The following FILIP1 variants were observed in gnomAD, a reference collection of about 807,000 sequenced individuals.
FILIP1 encodes filamin A interacting protein 1, also known as filamin-A-interacting protein 1.
A neutral mutation model predicts 102.1 loss-of-function variants in FILIP1; 61 were observed. The observed-to-expected ratio is 0.60, with a 90% confidence interval of 0.49 to 0.74. The LOEUF (loss-of-function observed/expected upper bound fraction) is 0.74, where lower values mean the gene tolerates loss of function less well. Among genes scored for constraint, FILIP1 ranks in the 30% least tolerant of loss-of-function variants. The pLI is 0.00. For synonymous variants in FILIP1, 491 were observed against 526.9 expected (o/e 0.93, Z 0.93); for missense variants, 1,314 against 1,441.2 (o/e 0.91, Z 1.43).
chr6:75,313,152 G>T lies in FILIP1; in HGVS notation c.2680C>A (p.Pro894Thr), dbSNP rs774205816. ...QEKGPRTNSS[P>T]GHPGEVVLSP... ...AGGACTACCTCTCCTGGGTGCCCTG[G>T]ACTGGAATTTGTTCGGGGCCCTTTC... Residue 894 changes from proline to threonine, a missense_variant, in exon 5 of 6, where the codon CCA (proline) becomes ACA (threonine). Pro to Thr is a conservative substitution (Grantham distance 38). This residue lies in a region of FILIP1 where 816 missense variants were observed against 913.1 expected (regional missense o/e 0.89). Coordinates refer to ENST00000237172, the MANE Select transcript of FILIP1 (RefSeq NM_015687.5). This position sits in a 1 kb window ranked among gnomAD's most constrained non-coding sequence, Gnocchi z 4.2. 7 of 1,614,180 alleles carry T rather than the reference G, an allele frequency of 4.3e-6. No homozygotes were observed. Among genetic ancestry groups the T allele is most frequent in the Non-Finnish European group, 5.1e-6 (6 of 1,180,034 alleles).
intron 2 of FILIP1, among the ~76,000 whole-genome samples, chr6:75,412,469 G>A (rs1181973285): frequency 1.3e-5 from 2 of 152,156 alleles, no homozygotes; most frequent in African/African-American, 4.8e-5. Context: ...TAGGAGTGGT[G>A]AGAGAGGGCA....
Position 75,438,050 on chromosome 6 carries a change from T to G in FILIP1, c.-6-23072A>C, listed in dbSNP as rs557860757. On this transcript the variant is annotated intron_variant, in intron 1 of 5. Coordinates refer to ENST00000237172, the MANE Select transcript of FILIP1 (RefSeq NM_015687.5). Reference sequence around the variant, plus strand: ...GTAACAACTCCTGCATTATCTCTGTTACATTCCATTATGTGGCACAGTGAC... The same window carrying G: ...GTAACAACTCCTGCATTATCTCTGTGACATTCCATTATGTGGCACAGTGAC... 3.9e-5 allele frequency among the ~76,000 whole-genome samples: 6 copies of G among 152,366 alleles called. No homozygotes were observed. The South Asian group carries it at 1.2e-3, about 32-fold the overall frequency.
intron 1 of FILIP1, among the ~76,000 whole-genome samples, chr6:75,433,646 T>C (rs752296868): frequency 3.3e-5 from 5 of 150,888 alleles, no homozygotes; most frequent in Non-Finnish European, 7.4e-5. Flanking sequence ...TGAGGATAGT[T>C]TTGCTGTGCA....
In FILIP1 at chr6:75,482,098, G is replaced by A. The variant is rs192390162; in HGVS notation, c.-7+11316C>T. 8.6e-5 allele frequency among the ~76,000 whole-genome samples: 13 copies of A among 152,028 alleles called. No homozygotes were observed. The East Asian group carries it at 1.7e-3, about 20-fold the overall frequency. Reference sequence around the variant, plus strand: ...CTCTTCTCTGAGCTCAGCATTTCACGTGCTCATTTTGGTGAGATTCCATCA... The same window carrying A: ...CTCTTCTCTGAGCTCAGCATTTCACATGCTCATTTTGGTGAGATTCCATCA... On this transcript the variant is annotated intron_variant, in intron 1 of 5. Transcript: ENST00000237172.
rs150281188 is a variant in FILIP1, at chr6:75,409,438, C to T, written c.276+5259G>A. On this transcript the variant is annotated intron_variant, in intron 2 of 5. Transcript: ENST00000237172. ...ATGGCTGACTCTATCTTGCTTCTAG[C>T]CTCACAAGCAGGCTGACCTCACTCA... is the stretch of plus-strand genomic sequence containing the variant. Among the ~76,000 whole-genome samples, 43 of 152,232 alleles carry T rather than the reference C, an allele frequency of 2.8e-4. No homozygotes were observed. In the East Asian group the frequency reaches 7.7e-3, roughly 27 times the overall value.
intron 1 of FILIP1, among the ~76,000 whole-genome samples, chr6:75,478,138 T>C (rs1779541000): frequency 6.6e-6 from 1 of 152,226 alleles, no homozygotes; most frequent in Non-Finnish European, 1.5e-5. Flanking sequence ...ACAGCACTAC[T>C]ACTCATCTCA....
chr6:75,342,647 G>A (rs1002790491), intron 4 of FILIP1, among the ~76,000 whole-genome samples: 16 of 152,146 alleles, frequency 1.1e-4, no homozygotes, highest in African/African-American at 3.9e-4. Context: ...TTAGGAAGGT[G>A]GATGAGAGGT....
At chr6:75,324,202 G>C (rs939728325) in intron 4 of FILIP1, among the ~76,000 whole-genome samples, 1 of 151,934 alleles carries the variant, frequency 6.6e-6, no homozygotes. Flanking sequence ...AAAGTCTCAG[G>C]ATACAAAATC....
chr6:75,389,307 C>T (rs1388219673), intron 2 of FILIP1, among the ~76,000 whole-genome samples: 2 of 152,202 alleles, frequency 1.3e-5, no homozygotes, highest in East Asian at 1.9e-4. Context: ...CATCAATCAT[C>T]ATCAGGGATA....
intron 6 of FILIP1, among the ~76,000 whole-genome samples, chr6:75,301,770 G>T (rs554057036): frequency 6.6e-6 from 1 of 152,280 alleles, no homozygotes; most frequent in African/African-American, 2.4e-5. Context: ...ATATGCCAAA[G>T]GTTACACAAC....
At chr6:75,353,420 TTAGACCC>T in intron 4 of FILIP1, 112 bp downstream of exon 4, 1 of 1,029,444 alleles carries the variant, frequency 9.7e-7, no homozygotes, top group Non-Finnish European at 1.4e-6. Flanking sequence ...AAAATTGACA[TTAGACCC>T]TGGGCACCTG....
rs752450803 is a variant in FILIP1 at position 75,313,824 on chromosome 6, C to A, written c.2008G>T (p.Glu670Ter). 1.9e-6 allele frequency: 3 copies of A among 1,613,686 alleles called. No individual in the cohort carries two copies. The highest frequency in any genetic ancestry group is 1.1e-5 in the South Asian group (1 of 90,990). The change falls in exon 5 of 6, where the codon GAG (glutamate) becomes TAG (stop). Residue 670 changes from glutamate to a stop codon, truncating the protein, a stop_gained. Coordinates refer to ENST00000237172, the MANE Select transcript of FILIP1 (RefSeq NM_015687.5). LOFTEE classifies it high-confidence loss of function. The surrounding 1 kb of genome is among the most constrained non-coding windows in gnomAD (Gnocchi z 4.2). ...GAGAGGAAGTTAGCCTTATCCTGCT[C>A]AGTTCTAAATTTCTGTTCCAGCTGA... ...YDQLEQKFRTEQDKANFLSQQ... is the reference protein window; with the variant it reads ...YDQLEQKFRT
chr6:75,467,654 T>G (rs1779207570), intron 1 of FILIP1, among the ~76,000 whole-genome samples: 2 of 152,306 alleles, frequency 1.3e-5, no homozygotes, highest in African/African-American at 4.8e-5. Context: ...CTTTTCCCAC[T>G]AGAAATCTCA....
intron 1 of FILIP1, among the ~76,000 whole-genome samples, chr6:75,487,866 G>C (rs374498032): frequency 1.5e-4 from 23 of 152,180 alleles, no homozygotes; most frequent in African/African-American, 5.5e-4. Flanking sequence ...TTCAAGGGCA[G>C]ACTATAGGGT....
intron 1 of FILIP1, among the ~76,000 whole-genome samples, chr6:75,456,838 G>GT (rs1197298136): frequency 1.3e-5 from 2 of 152,134 alleles, no homozygotes; most frequent in Non-Finnish European, 2.9e-5. Flanking sequence ...GATTACAGGC[G>GT]TGAGACATCG....
chr6:75,418,770 AC>A (rs1359670419), intron 1 of FILIP1, among the ~76,000 whole-genome samples: 1 of 152,208 alleles, frequency 6.6e-6, no homozygotes, highest in Non-Finnish European at 1.5e-5. Flanking sequence ...ACGTTTTATA[AC>A]CCTTTTTAAA....
chr6:75,442,306 A>G (rs1778290427), intron 1 of FILIP1, among the ~76,000 whole-genome samples: 2 of 151,154 alleles, frequency 1.3e-5, no homozygotes, highest in South Asian at 4.2e-4. Context: ...CACGTCCCAG[A>G]CGATGGATGG....
intron 1 of FILIP1, among the ~76,000 whole-genome samples, chr6:75,467,127 T>G (rs1211034468): frequency 1.3e-5 from 2 of 152,242 alleles, no homozygotes; most frequent in African/African-American, 4.8e-5. Context: ...TTGTAAAATA[T>G]GAAACCTTAA....
chr6:75,346,934 C>T (rs1774604793), intron 4 of FILIP1, among the ~76,000 whole-genome samples: 2 of 152,182 alleles, frequency 1.3e-5, no homozygotes, highest in African/African-American at 4.8e-5. Context: ...CCTCTTCTTT[C>T]TTGAAAACTG....
Sources: gnomAD v4.1 joint callset for allele counts (sites outside exome capture counted in the v4.1 genomes callset) on GRCh38, gnomAD v4.1.1 for gene constraint, gnomAD v4.1.1 regional missense constraint, Gnocchi (gnomAD v3.1) non-coding constraint, MANE v1.5 for transcripts, NCBI Gene and HGNC (gene_info 2026-07-23, HGNC 2026-07-21) for gene names.